The following NRXN3 variants were observed in gnomAD, a reference collection of about 807,000 sequenced individuals.
The protein encoded by NRXN3 is neurexin 3, also known as neurexin III.
In NRXN3, 32 loss-of-function variants were observed where a neutral mutation model predicts 137.6. The ratio of observed to expected loss-of-function variants is 0.23; its 90% CI spans 0.18 to 0.31. The LOEUF is 0.31. NRXN3 is among the 10% of genes least tolerant of loss of function. NRXN3 has a pLI of 1.00. For synonymous variants in NRXN3, 798 were observed against 784.5 expected (o/e 1.02, Z -0.29); for missense variants, 1,574 against 2,062.5 (o/e 0.76, Z 4.59).
chr14:79,504,670 T>TATATATATATATATAA lies in NRXN3; in HGVS notation c.3444+37273_3444+37274insTATATATATAAATATA, dbSNP rs1297701522. ...ATATATATATGTATATATATATATA[T>TATATATATATATATAA]ATATAAAACATTACACATTTAGGAC... On this transcript the variant is annotated intron_variant, in intron 16 of 20. Transcript: ENST00000335750. Among the ~76,000 whole-genome samples the TATATATATATATATAA allele has an allele frequency of 9.8e-4, 140 of 143,064 alleles. 1 individual carries two copies. The highest frequency in any genetic ancestry group is 3.6e-3 in the African/African-American group (135 of 38,000). 93.9% of individuals were successfully genotyped at this position (143,064 alleles called of 152,430 possible). A position where few individuals can be genotyped will look rare whatever the true frequency, so the allele number is the denominator to read the frequency against.
intron 10 of NRXN3, among the ~76,000 whole-genome samples, chr14:78,861,334 A>G (rs555839292): frequency 4.6e-5 from 7 of 152,234 alleles, no homozygotes; most frequent in African/African-American, 1.2e-4. Flanking sequence ...TCTATTATCT[A>G]TATATACCAA....
rs561127866 is a variant in NRXN3, at chr14:79,484,938, A to G, written c.3444+17536A>G. Among the ~76,000 whole-genome samples the G allele has an allele frequency of 1.9e-4, 29 of 152,312 alleles. No individual in the cohort carries two copies. In the South Asian group the frequency reaches 5.6e-3, roughly 29 times the overall value. On this transcript the variant is annotated intron_variant, in intron 16 of 20. Transcript: ENST00000335750. ...CTCGACTTATTTTTTGTGTTCTTTT[A>G]AAATCTTTCATATTAAGCATAGAAT...
chr14:79,405,525 T>A (rs1030833627), intron 15 of NRXN3, among the ~76,000 whole-genome samples: 2 of 152,108 alleles, frequency 1.3e-5, no homozygotes, highest in African/African-American at 4.8e-5. Context: ...TATTTGTAAA[T>A]AAATCATCAC....
At chr14:79,661,639 T>C (rs987653624) in intron 16 of NRXN3, 3 of 152,190 alleles carry the variant, frequency 2.0e-5, no homozygotes, top group African/African-American at 7.2e-5. Flanking sequence ...AATGAATACA[T>C]GAATGAATAA....
chr14:78,439,399 T>G (rs1418618011), intron 4 of NRXN3, among the ~76,000 whole-genome samples: 1 of 152,212 alleles, frequency 6.6e-6, no homozygotes, highest in African/African-American at 2.4e-5. Flanking sequence ...CTACAGCACA[T>G]TGAGCATCTG....
At chr14:79,334,107 T>G (rs931360535) in intron 15 of NRXN3, among the ~76,000 whole-genome samples, 1 of 152,208 alleles carries the variant, frequency 6.6e-6, no homozygotes, top group African/African-American at 2.4e-5. Flanking sequence ...TCCTAGGCAC[T>G]GTGTGAGGCC....
chr14:78,453,005 T>C (rs754345070), intron 4 of NRXN3, among the ~76,000 whole-genome samples: 4 of 152,176 alleles, frequency 2.6e-5, no homozygotes, highest in Non-Finnish European at 5.9e-5. Flanking sequence ...AAAAACCCTT[T>C]AGAGTTTTTA....
intron 15 of NRXN3, among the ~76,000 whole-genome samples, chr14:79,437,830 C>T (rs8022379): frequency 0.012 from 1,804 of 152,334 alleles, 30 homozygotes; most frequent in East Asian, 0.092. Flanking sequence ...GGGGAAGTCA[C>T]TGGACCTCTT....
chr14:79,067,689 T>G (rs368680001), intron 15 of NRXN3, among the ~76,000 whole-genome samples: 34 of 151,916 alleles, frequency 2.2e-4, no homozygotes, highest in African/African-American at 8.2e-4. Context: ...CAAATTTACC[T>G]TTCTTATAAG....
chr14:79,579,595 A>C (rs1277406858), intron 16 of NRXN3, among the ~76,000 whole-genome samples: 1 of 152,000 alleles, frequency 6.6e-6, no homozygotes, highest in Non-Finnish European at 1.5e-5. Flanking sequence ...TATGAATCTG[A>C]AATGCAACAA....
intron 10 of NRXN3, among the ~76,000 whole-genome samples, chr14:78,902,895 G>A (rs1222403781): frequency 2.0e-5 from 3 of 151,396 alleles, no homozygotes; most frequent in Non-Finnish European, 4.4e-5. Flanking sequence ...ATCTGTGACT[G>A]TGCACACCAT....
chr14:78,949,309 T>C (rs1285454639), intron 10 of NRXN3, among the ~76,000 whole-genome samples: 1 of 152,176 alleles, frequency 6.6e-6, no homozygotes, highest in Non-Finnish European at 1.5e-5. Flanking sequence ...TATTCACTTA[T>C]TAATTCAATT....
chr14:78,711,432 C>CTTTTTTTTTTT (rs1254367279), intron 7 of NRXN3, among the ~76,000 whole-genome samples: 8 of 103,188 alleles, frequency 7.8e-5, no homozygotes, highest in African/African-American at 1.5e-4. Context: ...TAATTCTTTT[C>CTTTTTTTTTTT]TCTTTTTTTT....
At chr14:78,892,333 A>G (rs1023815821) in intron 10 of NRXN3, among the ~76,000 whole-genome samples, 1 of 152,114 alleles carries the variant, frequency 6.6e-6, no homozygotes, top group African/African-American at 2.4e-5. Context: ...TTTGGCTGAT[A>G]GAAACAGAGA....
chr14:79,379,421 G>A (rs2094401081), intron 15 of NRXN3, among the ~76,000 whole-genome samples: 1 of 152,158 alleles, frequency 6.6e-6, no homozygotes, highest in Non-Finnish European at 1.5e-5. Flanking sequence ...TAGCTTCTGT[G>A]AGGCCTGGTT....
intron 1 of NRXN3, among the ~76,000 whole-genome samples, chr14:78,190,651 A>AC (rs1431851707): frequency 9.9e-3 from 290 of 29,362 alleles, no homozygotes; most frequent in East Asian, 0.02. Context: ...TTATTTATTT[A>AC]TTTACTTACT....
At chr14:79,848,496 T>C (rs1033050368) in intron 20 of NRXN3, among the ~76,000 whole-genome samples, 3 of 151,922 alleles carry the variant, frequency 2.0e-5, no homozygotes, top group Admixed American at 1.3e-4. Flanking sequence ...TGTTTTTTTA[T>C]GTGTGGCCCA....
intron 4 of NRXN3, among the ~76,000 whole-genome samples, chr14:78,401,188 G>A (rs2092016449): frequency 6.6e-6 from 1 of 151,918 alleles, no homozygotes; most frequent in Non-Finnish European, 1.5e-5. Flanking sequence ...TTTTTGGGAT[G>A]GCGTCTTTCT....
At chr14:78,176,296 T>G (rs2059259444) in intron 1 of NRXN3, among the ~76,000 whole-genome samples, 1 of 152,084 alleles carries the variant, frequency 6.6e-6, no homozygotes, top group Admixed American at 6.5e-5. Flanking sequence ...ACCATTCTCA[T>G]CATCATCATA....
Sources: allele counts gnomAD v4.1 joint callset (sites outside exome capture counted in the v4.1 genomes callset), GRCh38; gene constraint gnomAD v4.1.1; transcripts MANE v1.5; gene names NCBI Gene and HGNC (gene_info 2026-07-23, HGNC 2026-07-21).